Variants in RPH3AL observed in about 807,000 individuals in gnomAD.
The protein encoded by RPH3AL is rab effector Noc2.
A neutral mutation model predicts 43.1 loss-of-function variants in RPH3AL; 38 were observed. The observed-to-expected ratio is 0.88, with a 90% CI of 0.68 to 1.15. The LOEUF (loss-of-function observed/expected upper bound fraction) is 1.15, where lower values mean the gene tolerates loss of function less well. Among genes scored for constraint, RPH3AL ranks in the 50% most tolerant of loss-of-function variants. The pLI, the probability that RPH3AL is intolerant of heterozygous loss-of-function variation, is 0.00. For synonymous variants in RPH3AL, 189 were observed against 176.3 expected, an observed-to-expected ratio of 1.07 and a Z score of -0.57; for missense variants, 462 against 423.2, an observed-to-expected ratio of 1.09 and a Z score of -0.81.
chr17:220,031 C>G (rs768542123), intron 7 of RPH3AL, among the ~76,000 whole-genome samples: 30 of 152,184 alleles, frequency 2.0e-4, no homozygotes, highest in Non-Finnish European at 4.1e-4. Context: ...TGTTCTAGTT[C>G]CTCTAGTGGA....
At position 245,245 on chromosome 17, in the gene RPH3AL, G is replaced by C. The variant is rs541131502; in HGVS notation, c.613+1866C>G. Among the ~76,000 whole-genome samples, 52 of 151,286 alleles carry C rather than the reference G, an allele frequency of 3.4e-4. No individual in the cohort carries two copies. The highest frequency in any genetic ancestry group is 1.2e-3 in the African/African-American group (48 of 41,212). ...TGGATGTGTGTGTGCGTGTGGATGA[G>C]AGCATGTGTGTGTGCACGTGGATGT... is the stretch of plus-strand genomic sequence containing the variant. On this transcript the variant is annotated intron_variant, in intron 7 of 9. Transcript: ENST00000331302. The surrounding 1 kb of genome is among the most constrained non-coding windows in gnomAD (Gnocchi z 5.9).
chr17:324,521 C>T lies in RPH3AL; in HGVS notation c.77+2946G>A, dbSNP rs186049869. 7.7e-4 allele frequency among the ~76,000 whole-genome samples: 118 copies of T among 152,318 alleles called. No individual in the cohort carries two copies. In the Middle Eastern group the frequency reaches 0.01, roughly 13 times the overall value. On this transcript the variant is annotated intron_variant, in intron 3 of 9. Coordinates refer to ENST00000331302, the MANE Select transcript of RPH3AL (RefSeq NM_006987.4). ...ACCTGTCCTTCCCCTGCACGTTCCC[C>T]GCACGGCGCCCTCGTCTCTCAGCTC...
intron 5 of RPH3AL, among the ~76,000 whole-genome samples, chr17:317,124 C>T (rs945663306): frequency 1.3e-5 from 2 of 149,778 alleles, no homozygotes; most frequent in African/African-American, 2.5e-5. Context: ...ACTCCACCTC[C>T]ACTGACGTGT....
chr17:305,396 C>G lies in RPH3AL; in HGVS notation c.351+14024G>C, dbSNP rs367548866. On this transcript the variant is annotated intron_variant, in intron 5 of 9. Coordinates refer to ENST00000331302, the MANE Select transcript of RPH3AL (RefSeq NM_006987.4). ...TGGGGTGGTGCCTGCCTGGCAGCTG[C>G]GGGGGCTGGGGAGGGAAGGGCTACT... 9.9e-5 allele frequency among the ~76,000 whole-genome samples: 15 copies of G among 152,032 alleles called. No homozygotes were observed. The South Asian group carries it at 1.7e-3, about 17-fold the overall frequency.
rs543238880 is a variant in RPH3AL, at chr17:321,704, T to C, written c.78-289A>G. ...TGCTGTGTGCCGGGGACAAGGCACATGGGCAACAGAGACGGCCCAGGTGCC... is the reference window on the plus strand; with the variant it reads ...TGCTGTGTGCCGGGGACAAGGCACACGGGCAACAGAGACGGCCCAGGTGCC... On this transcript the variant is annotated intron_variant, in intron 3 of 9. Coordinates refer to ENST00000331302, the MANE Select transcript of RPH3AL (RefSeq NM_006987.4). The C allele has an allele frequency of 9.1e-4, 338 of 369,920 alleles. 1 individual carries two copies. Among genetic ancestry groups the C allele is most frequent in the African/African-American group, 2.0e-3 (91 of 45,010 alleles). 22.9% of individuals were successfully genotyped at this position (369,920 alleles called of 1,614,324 possible).
chr17:220,058 C>T (rs1353082814), intron 7 of RPH3AL, among the ~76,000 whole-genome samples: 1 of 152,066 alleles, frequency 6.6e-6, no homozygotes, highest in African/African-American at 2.4e-5. Flanking sequence ...ACCCACTGGC[C>T]GTGTCGGAGG....
At chr17:272,939 AGAGACCCCAGCAAGGGCTACGTCAGGGT>A (rs200410039) in intron 6 of RPH3AL, among the ~76,000 whole-genome samples, 53,523 of 120,366 alleles carry the variant, frequency 0.44, 14,922 homozygotes, top group East Asian at 0.58. Flanking sequence ...GACATCAGGG[AGAGACCCCAGCAAGGGCTACGTCAGGGT>A]GAGACCCCAG....
At chr17:269,173 T>C (rs192564098) in intron 6 of RPH3AL, among the ~76,000 whole-genome samples, 46 of 152,264 alleles carry the variant, frequency 3.0e-4, no homozygotes, top group East Asian at 1.5e-3. Context: ...CCACCGTGCC[T>C]GGCCGATTTT....
At chr17:295,394 G>A (rs1182107323) in intron 5 of RPH3AL, among the ~76,000 whole-genome samples, 18 of 107,146 alleles carry the variant, frequency 1.7e-4, no homozygotes, top group Admixed American at 1.9e-4. Flanking sequence ...AGGGACAGAG[G>A]AGCTGCAGAA....
intron 7 of RPH3AL, among the ~76,000 whole-genome samples, chr17:233,580 C>T (rs2041281235): frequency 6.6e-6 from 1 of 152,180 alleles, no homozygotes; most frequent in South Asian, 2.1e-4. Context: ...CCCTGCCTCC[C>T]ACTGGCCAGG....
rs1437727204 is a variant in RPH3AL, at chr17:217,144, C to T, written c.728-1342G>A. ...CAGGACCCCCAAGGCATTTAGTTCC[C>T]ATCTGGGGCAGTTATTACAGAGCCC... On this transcript the variant is annotated intron_variant, in intron 8 of 9. Transcript: ENST00000331302. Among the ~76,000 whole-genome samples the T allele has an allele frequency of 1.4e-3, 200 of 140,504 alleles. 1 individual carries two copies. The highest frequency in any genetic ancestry group is 5.0e-3 in the African/African-American group (184 of 37,042). 92.2% of individuals were successfully genotyped at this position (140,504 alleles called of 152,430 possible).
rs62622824 is a variant in RPH3AL, at chr17:246,076, G to A, written c.613+1035C>T. On this transcript the variant is annotated intron_variant, in intron 7 of 9. Coordinates refer to ENST00000331302, the MANE Select transcript of RPH3AL (RefSeq NM_006987.4). The surrounding 1 kb of genome is among the most constrained non-coding windows in gnomAD (Gnocchi z 4.8). Reference sequence around the variant, plus strand: ...TGGGGGATTTATACCTTCTACATACGTCACTGGACAACTTTCACATGTTCG... The same window carrying A: ...TGGGGGATTTATACCTTCTACATACATCACTGGACAACTTTCACATGTTCG... Among the ~76,000 whole-genome samples, 22,340 of 152,084 alleles carry A rather than the reference G, an allele frequency of 0.15. 1,693 individuals carry two copies. The highest frequency in any genetic ancestry group is 0.18 in the South Asian group (862 of 4,832).
At chr17:311,641 G>A (rs578149119) in intron 5 of RPH3AL, among the ~76,000 whole-genome samples, 4 of 152,300 alleles carry the variant, frequency 2.6e-5, no homozygotes, top group Admixed American at 1.3e-4. Context: ...TGGGCGAAGC[G>A]ATCAAGAAAG....
Position 259,886 on chromosome 17 carries a change from T to G in RPH3AL, c.439-12601A>C, listed in dbSNP as rs536719202. ...GAATTTTAATTACCATGATAACAAT[T>G]GCTAATCACTGGCATTTCCTAAATG... On this transcript the variant is annotated intron_variant, in intron 6 of 9. Transcript: ENST00000331302. Among the ~76,000 whole-genome samples the G allele has an allele frequency of 3.9e-5, 6 of 152,324 alleles. No individual in the cohort carries two copies. In the South Asian group the frequency reaches 1.2e-3, roughly 32 times the overall value.
At chr17:252,287 T>A (rs1211261308) in intron 6 of RPH3AL, among the ~76,000 whole-genome samples, 3 of 152,232 alleles carry the variant, frequency 2.0e-5, no homozygotes, top group African/African-American at 4.8e-5. Flanking sequence ...TCCCTTTTTT[T>A]ATTTTCCTGA....
At chr17:276,954 G>A (rs1464833369) in intron 6 of RPH3AL, among the ~76,000 whole-genome samples, 2 of 152,102 alleles carry the variant, frequency 1.3e-5, no homozygotes, top group Non-Finnish European at 2.9e-5. Context: ...CAAGGACTCA[G>A]AAAATGTATC....
intron 5 of RPH3AL, among the ~76,000 whole-genome samples, chr17:306,079 T>G (rs1374319714): frequency 6.7e-6 from 1 of 149,544 alleles, no homozygotes. Context: ...CAGGCTGGTC[T>G]CAGACTCCTG....
At chr17:327,604 A>G in intron 2 of RPH3AL, 25 bp from the exon 3 acceptor site, 3 of 1,500,890 alleles carry the variant, frequency 2.0e-6, no homozygotes, top group East Asian at 4.5e-5. Context: ...GGAAGACGAA[A>G]GAGTGTGCAT....
intron 7 of RPH3AL, among the ~76,000 whole-genome samples, chr17:228,408 C>T (rs2041153316): frequency 1.3e-5 from 2 of 152,020 alleles, no homozygotes; most frequent in Admixed American, 1.3e-4. Context: ...ACTCTCACCC[C>T]GGGTTGTCGT....
Sources: allele counts gnomAD v4.1 joint callset (sites outside exome capture counted in the v4.1 genomes callset), GRCh38; gene constraint gnomAD v4.1.1; non-coding constraint Gnocchi (gnomAD v3.1); transcripts MANE v1.5; gene names NCBI Gene and HGNC (gene_info 2026-07-23, HGNC 2026-07-21).